The following RASSF8 variants were observed in gnomAD, a reference collection of about 807,000 sequenced individuals.
RASSF8 encodes ras association domain-containing protein 8.
Under a neutral mutation model 48.5 loss-of-function variants are expected in RASSF8, and 22 were observed. That is an observed-to-expected ratio of 0.45 (90% CI 0.32 to 0.65). RASSF8 has a LOEUF of 0.65. Ranked by LOEUF, RASSF8 falls within the 30% of genes least tolerant of loss-of-function variation. The pLI is 0.03. For missense variants in RASSF8, 418 were observed against 489.2 expected, an observed-to-expected ratio of 0.85 and a Z score of 1.37; for synonymous variants, 127 against 171.5, an observed-to-expected ratio of 0.74 and a Z score of 2.03.
At chr12:26,027,787 C>T (rs1592283050) in intron 2 of RASSF8, among the ~76,000 whole-genome samples, 1 of 152,196 alleles carries the variant, frequency 6.6e-6, no homozygotes, top group East Asian at 1.9e-4. Context: ...CTTTGGTCAC[C>T]TAGGGAGAGA....
intron 1 of RASSF8, among the ~76,000 whole-genome samples, chr12:25,992,287 A>G (rs1056893827): frequency 1.4e-4 from 21 of 152,228 alleles, no homozygotes; most frequent in African/African-American, 5.1e-4. Context: ...AAACATTTCA[A>G]ACAGTTGTTG....
chr12:25,987,097 G>A (rs1312886144), intron 1 of RASSF8, among the ~76,000 whole-genome samples: 1 of 152,238 alleles, frequency 6.6e-6, no homozygotes, highest in African/African-American at 2.4e-5. Context: ...ACCATGCCCA[G>A]CTAATTTTGT....
intron 1 of RASSF8, among the ~76,000 whole-genome samples, chr12:25,986,591 A>G (rs1042755006): frequency 3.9e-5 from 6 of 152,200 alleles, no homozygotes; most frequent in East Asian, 1.9e-4. Flanking sequence ...CAAGCCCCAC[A>G]AGAGCAGCTT....
At chr12:26,046,623 GA>G (rs141954396) in intron 2 of RASSF8, among the ~76,000 whole-genome samples, 9,723 of 152,150 alleles carry the variant, frequency 0.064, 357 homozygotes, top group Middle Eastern at 0.13. Flanking sequence ...AATCACTTGA[GA>G]CCAGAAGTTC....
chr12:26,036,934 C>CA (rs1943165314), intron 2 of RASSF8, among the ~76,000 whole-genome samples: 1 of 150,764 alleles, frequency 6.6e-6, no homozygotes, highest in Non-Finnish European at 1.5e-5. Context: ...AAAAAAAAAA[C>CA]AAAAAACTGT....
intron 2 of RASSF8, among the ~76,000 whole-genome samples, chr12:26,028,424 C>T (rs903438229): frequency 2.6e-5 from 4 of 152,208 alleles, no homozygotes; most frequent in African/African-American, 9.6e-5. Context: ...AGGACTTCTA[C>T]TAGGCTGCTA....
intron 2 of RASSF8, among the ~76,000 whole-genome samples, chr12:26,042,094 A>C (rs889955155): frequency 2.0e-5 from 3 of 152,244 alleles, no homozygotes; most frequent in African/African-American, 7.2e-5. Flanking sequence ...ATATAGTTAT[A>C]AATCAGAAAG....
At chr12:26,019,348 A>G (rs188726652) in intron 2 of RASSF8, among the ~76,000 whole-genome samples, 19 of 152,298 alleles carry the variant, frequency 1.2e-4, no homozygotes, top group Admixed American at 9.1e-4. Context: ...CAAAAAATAA[A>G]TAAGTATATA....
At chr12:26,047,698 C>T (rs1319668054) in intron 2 of RASSF8, among the ~76,000 whole-genome samples, 1 of 152,216 alleles carries the variant, frequency 6.6e-6, no homozygotes, top group African/African-American at 2.4e-5. Flanking sequence ...ACTACCGTCT[C>T]TAGCAGCAGA....
intron 2 of RASSF8, among the ~76,000 whole-genome samples, chr12:25,998,553 TG>T (rs1942184951): frequency 6.6e-6 from 1 of 152,122 alleles, no homozygotes; most frequent in Admixed American, 6.5e-5. Flanking sequence ...TACACCATTT[TG>T]GCCAGGATGG....
At chr12:26,062,630 C>G (rs1287694679) in intron 3 of RASSF8, among the ~76,000 whole-genome samples, 1 of 152,196 alleles carries the variant, frequency 6.6e-6, no homozygotes, top group Non-Finnish European at 1.5e-5. Context: ...TTTGTCCCAT[C>G]TCTGTCTAGT....
At position 26,045,146 on chromosome 12, in the gene RASSF8, G is replaced by A. The variant is rs1352397232; in HGVS notation, c.-108-10090G>A. On this transcript the variant is annotated intron_variant, in intron 2 of 5. Transcript: ENST00000689635. ...AAAAAACTAACTGCCTTTTCAAATT[G>A]TTTGAATGGACACTTTTTTTGTTCT... Among the ~76,000 whole-genome samples, 5 of 152,066 alleles carry A rather than the reference G, an allele frequency of 3.3e-5. No homozygotes were observed. In the East Asian group the frequency reaches 9.6e-4, roughly 29 times the overall value.
At chr12:25,974,981 A>T (rs916066646) in intron 1 of RASSF8, among the ~76,000 whole-genome samples, 8 of 152,220 alleles carry the variant, frequency 5.3e-5, no homozygotes, top group African/African-American at 1.9e-4. Flanking sequence ...ACTTTGTTAA[A>T]AGAGGGGCCT....
chr12:26,059,644 C>T, intron 3 of RASSF8, among the ~76,000 whole-genome samples: 1 of 152,110 alleles, frequency 6.6e-6, no homozygotes, highest in East Asian at 1.9e-4. Flanking sequence ...TCCACATATT[C>T]ATTTGCAATT....
intron 1 of RASSF8, among the ~76,000 whole-genome samples, chr12:25,991,414 T>C (rs961652314): frequency 2.1e-4 from 32 of 151,304 alleles, no homozygotes; most frequent in Admixed American, 3.9e-4. Flanking sequence ...CGTAACTTTT[T>C]TTTTTTTCTT....
intron 2 of RASSF8, among the ~76,000 whole-genome samples, chr12:26,021,002 A>C (rs1942775158): frequency 6.6e-6 from 1 of 152,184 alleles, no homozygotes; most frequent in Admixed American, 6.5e-5. Context: ...TTTGTTTATC[A>C]TAACTATTGG....
chr12:25,992,179 C>T (rs1440485898), intron 1 of RASSF8, among the ~76,000 whole-genome samples: 2 of 152,208 alleles, frequency 1.3e-5, no homozygotes, highest in Non-Finnish European at 1.5e-5. Flanking sequence ...CCTCTGAATT[C>T]ATCAAGCCTT....
chr12:26,062,852 A>T (rs2137288306), intron 3 of RASSF8, among the ~76,000 whole-genome samples: 1 of 152,192 alleles, frequency 6.6e-6, no homozygotes, highest in African/African-American at 2.4e-5. Flanking sequence ...TAACCCTCAG[A>T]ATCTGCGAAG....
At chr12:25,993,339 A>G (rs1453662949) in intron 1 of RASSF8, among the ~76,000 whole-genome samples, 2 of 152,192 alleles carry the variant, frequency 1.3e-5, no homozygotes, top group Non-Finnish European at 2.9e-5. Context: ...TGGATGAAGA[A>G]GATAACAATT....
Sources: allele counts gnomAD v4.1 joint callset (sites outside exome capture counted in the v4.1 genomes callset), GRCh38; gene constraint gnomAD v4.1.1; transcripts MANE v1.5; gene names NCBI Gene and HGNC (gene_info 2026-07-23, HGNC 2026-07-21).